Variants in KCTD9 observed in about 807,000 individuals in gnomAD.
The protein encoded by KCTD9 is potassium channel tetramerization domain containing 9.
Under a neutral mutation model 53.3 loss-of-function variants are expected in KCTD9, and 17 were observed. The observed-to-expected ratio is 0.32, with a 90% CI of 0.22 to 0.48. KCTD9 has a LOEUF of 0.48. Among genes scored for constraint, KCTD9 ranks in the 20% least tolerant of loss-of-function variants. KCTD9 has a pLI of 0.99. For synonymous variants in KCTD9, 128 were observed against 162.7 expected (o/e 0.79, Z 1.62); for missense variants, 179 against 465.5 (o/e 0.38, Z 5.66).
chr8:25,454,693 T>C (rs774598023), intron 1 of KCTD9, among the ~76,000 whole-genome samples: 1 of 152,182 alleles, frequency 6.6e-6, no homozygotes, highest in Non-Finnish European at 1.5e-5. Context: ...TTCCAGTGAT[T>C]AGAACTAAGG....
At chr8:25,430,185 T>C (rs754666366) in intron 11 of KCTD9, among the ~76,000 whole-genome samples, 1 of 152,204 alleles carries the variant, frequency 6.6e-6, no homozygotes, top group African/African-American at 2.4e-5. Context: ...ACCATAAATA[T>C]GTATAAACAA....
chr8:25,437,144 C>T lies in KCTD9; in HGVS notation c.500-659G>A, dbSNP rs569330592. On this transcript the variant is annotated intron_variant, in intron 6 of 11. Transcript: ENST00000221200. ...ACAAACGTCATCCAAGGTACAGCAT[C>T]GGGCTACCACTCTGGCATACAGGGT... is the stretch of plus-strand genomic sequence containing the variant. 3.3e-5 allele frequency among the ~76,000 whole-genome samples: 5 copies of T among 152,286 alleles called. No individual in the cohort carries two copies. In the South Asian group the frequency reaches 8.3e-4, roughly 25 times the overall value.
intron 1 of KCTD9, among the ~76,000 whole-genome samples, chr8:25,454,733 T>C (rs975866935): frequency 6.6e-6 from 1 of 152,182 alleles, no homozygotes; most frequent in Non-Finnish European, 1.5e-5. Context: ...ACACACCCCA[T>C]TGGTAACATA....
intron 4 of KCTD9, 123 bp downstream of exon 4, chr8:25,440,454 A>G: frequency 1.5e-6 from 1 of 686,700 alleles, no homozygotes; most frequent in Non-Finnish European, 2.6e-6. Flanking sequence ...AAATGGTTTC[A>G]GATCACATAG....
At chr8:25,449,932 T>C (rs1227294038) in intron 1 of KCTD9, among the ~76,000 whole-genome samples, 1 of 152,198 alleles carries the variant, frequency 6.6e-6, no homozygotes, top group Non-Finnish European at 1.5e-5. Context: ...GACCTGTTTG[T>C]TGTTTTATTT....
At chr8:25,458,087 G>GGCCCCCCCCC in intron 1 of KCTD9, 112 bp downstream of exon 1, 2 of 1,072,806 alleles carry the variant, frequency 1.9e-6, no homozygotes, top group South Asian at 2.9e-5. Context: ...GCCCGCGCAC[G>GGCCCCCCCCC]CCCACCTCCC....
chr8:25,448,120 A>C (rs1802250180), intron 1 of KCTD9, among the ~76,000 whole-genome samples: 1 of 152,102 alleles, frequency 6.6e-6, no homozygotes, highest in Admixed American at 6.6e-5. Context: ...ATGGGACGGA[A>C]AAGAAAAAAG....
intron 5 of KCTD9, 48 bp downstream of exon 5, chr8:25,439,558 G>C: frequency 6.2e-7 from 1 of 1,601,172 alleles, no homozygotes; most frequent in South Asian, 1.1e-5. Flanking sequence ...AGTCAGCACA[G>C]ATATAAAACA....
intron 10 of KCTD9, among the ~76,000 whole-genome samples, chr8:25,432,919 C>T (rs1203809855): frequency 6.6e-6 from 1 of 152,054 alleles, no homozygotes. Flanking sequence ...CCTAAATATA[C>T]AAGTAAACAA....
At position 25,455,154 on chromosome 8, in the gene KCTD9, G is replaced by A. The variant is rs557914747; in HGVS notation, c.48+3045C>T. ...TTAGGAGAATCGCTTGAACCTGGGG[G>A]GCAGAGGTTGCAGTGAGCTGAGATC... On this transcript the variant is annotated intron_variant, in intron 1 of 11. Transcript: ENST00000221200. 1.1e-3 allele frequency among the ~76,000 whole-genome samples: 166 copies of A among 152,188 alleles called. 3 individuals carry two copies. Among genetic ancestry groups the A allele is most frequent in the African/African-American group, 3.8e-3 (158 of 41,524 alleles).
chr8:25,457,487 G>T, intron 1 of KCTD9: 1 of 434,482 alleles, frequency 2.3e-6, no homozygotes, highest in Non-Finnish European at 3.1e-6. Context: ...CACACTCTCC[G>T]CAAAGGCCTA....
At position 25,429,282 on chromosome 8, in the gene KCTD9, A is replaced by T. The variant is rs1218753364; in HGVS notation, c.*575T>A. ...TGTTCTGTCCTAAAAAGTAAACATT[A>T]TAAAAATGAACCTGAAAAGAGTCTT... On this transcript the variant is annotated 3_prime_UTR_variant, in exon 12 of 12. Transcript: ENST00000221200. 6.5e-6 allele frequency: 1 copy of T among 152,826 alleles called. No individual in the cohort carries two copies. Among genetic ancestry groups the T allele is most frequent in the Non-Finnish European group, 1.5e-5 (1 of 68,182 alleles). 9.5% of individuals were successfully genotyped at this position (152,826 alleles called of 1,614,324 possible).
intron 1 of KCTD9, 31 bp downstream of exon 1, chr8:25,458,168 G>A (rs764387832): frequency 1.7e-6 from 1 of 600,290 alleles, no homozygotes; most frequent in Non-Finnish European, 2.4e-6. Context: ...CCCGACCCCC[G>A]GCCCGCCGCG....
Position 25,427,910 on chromosome 8 carries a change from A to T in KCTD9, c.*1947T>A, listed in dbSNP as rs1217489975. On this transcript the variant is annotated 3_prime_UTR_variant, in exon 12 of 12. Transcript: ENST00000221200. ...AGACTAATCCATAACAAATTAAGTTATACTGTATTTCCTTTGCTACCCAGA... is the reference window on the plus strand; with the variant it reads ...AGACTAATCCATAACAAATTAAGTTTTACTGTATTTCCTTTGCTACCCAGA... 1 of 151,410 alleles carries T rather than the reference A, an allele frequency of 6.6e-6. No homozygotes were observed. Among genetic ancestry groups the T allele is most frequent in the East Asian group, 1.9e-4 (1 of 5,202 alleles). 9.4% of individuals were successfully genotyped at this position (151,410 alleles called of 1,614,324 possible).
chr8:25,445,730 T>C (rs1802203448), intron 2 of KCTD9, among the ~76,000 whole-genome samples: 1 of 152,092 alleles, frequency 6.6e-6, no homozygotes, highest in Non-Finnish European at 1.5e-5. Context: ...ATAAAGTTTT[T>C]ACAAAATCTG....
intron 4 of KCTD9, 64 bp downstream of exon 4, chr8:25,440,513 A>G (rs1279695354): frequency 1.6e-5 from 17 of 1,059,472 alleles, no homozygotes; most frequent in Non-Finnish European, 2.3e-5. Context: ...AGCAAATTGA[A>G]GAACAAAGGG....
At chr8:25,440,160 G>A (rs1252108063) in intron 4 of KCTD9, among the ~76,000 whole-genome samples, 1 of 148,936 alleles carries the variant, frequency 6.7e-6, no homozygotes, top group African/African-American at 2.5e-5. Context: ...CCGGGTTCAC[G>A]CCATTCTCCT....
chr8:25,455,518 T>C (rs963760868), intron 1 of KCTD9, among the ~76,000 whole-genome samples: 1 of 152,206 alleles, frequency 6.6e-6, no homozygotes, highest in African/African-American at 2.4e-5. Context: ...CCCACTCTTT[T>C]TTTAGTCTCA....
At chr8:25,451,358 A>G (rs1178410141) in intron 1 of KCTD9, 1 of 152,212 alleles carries the variant, frequency 6.6e-6, no homozygotes, top group Non-Finnish European at 1.5e-5. Context: ...GAGCAATAAA[A>G]ATCTTGTATA....
Sources: gnomAD v4.1 joint callset for allele counts (sites outside exome capture counted in the v4.1 genomes callset) on GRCh38, gnomAD v4.1.1 for gene constraint, MANE v1.5 for transcripts, NCBI Gene and HGNC (gene_info 2026-07-23, HGNC 2026-07-21) for gene names.